IQCE: variants seen among roughly 807,000 people sequenced by gnomAD.
IQCE encodes the protein IQ motif containing E, also known as IQ domain-containing protein E.
A neutral mutation model predicts 96.0 loss-of-function variants in IQCE; 115 were observed. The observed-to-expected ratio is 1.20, with a 90% CI of 1.03 to 1.40. IQCE has a LOEUF of 1.40. Among genes scored for constraint, IQCE ranks in the 40% most tolerant of loss-of-function variants. The pLI, the probability that IQCE is intolerant of heterozygous loss-of-function variation, is 0.00. For missense variants in IQCE, 1,041 were observed against 909.1 expected (o/e 1.15, Z -1.87); for synonymous variants, 412 against 371.2 (o/e 1.11, Z -1.26).
rs573958803 is a variant in IQCE, at chr7:2,578,494, A to G, written c.598A>G (p.Thr200Ala). 9 of 1,614,028 alleles carry G rather than the reference A, an allele frequency of 5.6e-6. No individual in the cohort carries two copies. The highest frequency in any genetic ancestry group is 7.6e-6 in the Non-Finnish European group (9 of 1,179,978). The change falls in exon 8 of 22, where the codon ACT (threonine) becomes GCT (alanine). Residue 200 changes from threonine to alanine, a missense_variant. Transcript: ENST00000402050. The stretch of plus-strand genomic sequence containing the variant: ...ACCACAGGGCACGGATTTTGTTCGG[A>G]CTCTGGCAGAGAAAAGGCCCGATGC... ...DPSRGTDFVR[T>A]LAEKRPDASW...
At chr7:2,573,962 G>A (rs1045865989) in intron 6 of IQCE, among the ~76,000 whole-genome samples, 3 of 152,010 alleles carry the variant, frequency 2.0e-5, no homozygotes, top group South Asian at 2.1e-4. Flanking sequence ...GAGACTCAGC[G>A]ACGTTAGTGG....
chr7:2,592,396 C>T (rs906232787), intron 14 of IQCE, among the ~76,000 whole-genome samples: 1 of 130,466 alleles, frequency 7.7e-6, no homozygotes. Flanking sequence ...TGTCAAGTGG[C>T]GTGACAAGAG....
intron 1 of IQCE, among the ~76,000 whole-genome samples, chr7:2,564,547 G>A (rs1226707759): frequency 2.0e-5 from 3 of 151,540 alleles, no homozygotes; most frequent in South Asian, 2.1e-4. Context: ...GCAGTGAGCC[G>A]AGATTGTGTC....
At position 2,605,859 on chromosome 7, in the gene IQCE, C is replaced by A; in HGVS notation, c.1744-17C>A. On this transcript the variant is annotated splice_polypyrimidine_tract_variant and intron_variant, in intron 19 of 21. Coordinates refer to ENST00000402050, the MANE Select transcript of IQCE (RefSeq NM_152558.5). ...GGCTGCCAAACAGTCGTCTTCCCTG[C>A]TGTCCTTGCACCCCAGAGCTCTCCT... is the stretch of plus-strand genomic sequence containing the variant. The A allele has an allele frequency of 6.4e-7, 1 of 1,565,072 alleles. No individual in the cohort carries two copies.
intron 2 of IQCE, 90 bp from the exon 3 acceptor site, chr7:2,568,864 G>A (rs1016140073): frequency 9.8e-6 from 12 of 1,220,020 alleles, no homozygotes; most frequent in Non-Finnish European, 1.4e-5. Flanking sequence ...GCTCTTACAC[G>A]ACCCCTGACC....
At chr7:2,593,193 C>A (rs1783748851) in intron 15 of IQCE, 67 bp downstream of exon 15, 2 of 1,522,210 alleles carry the variant, frequency 1.3e-6, no homozygotes, top group East Asian at 4.6e-5. Flanking sequence ...CACTGCGGCC[C>A]CCCGTGGCGT....
At chr7:2,609,912 C>A in intron 21 of IQCE, 132 bp from the exon 22 acceptor site, 3 of 639,578 alleles carry the variant, frequency 4.7e-6, no homozygotes, top group East Asian at 5.3e-5. Context: ...CCTGTGTGCC[C>A]CATGGCTTAC....
At chr7:2,560,247 T>C (rs1418852313) in intron 1 of IQCE, among the ~76,000 whole-genome samples, 1 of 151,932 alleles carries the variant, frequency 6.6e-6, no homozygotes, top group Non-Finnish European at 1.5e-5. Context: ...AGGCCCTGTC[T>C]CAAAAAAAAA....
intron 6 of IQCE, among the ~76,000 whole-genome samples, chr7:2,577,272 GGT>G (rs1562635097): frequency 6.6e-6 from 1 of 152,080 alleles, no homozygotes. Context: ...ACGTGTGTGC[GGT>G]GTGTGCGCAG....
At chr7:2,567,307 G>T in intron 2 of IQCE, 144 bp downstream of exon 2, 1 of 701,996 alleles carries the variant, frequency 1.4e-6, no homozygotes, top group South Asian at 1.6e-5. Context: ...CTTGGTGTTT[G>T]AAAAGTTTCC....
rs1781753444 is a variant in IQCE at position 2,571,526 on chromosome 7, A to G, written c.131A>G (p.Lys44Arg). The G allele has an allele frequency of 4.4e-6, 7 of 1,606,300 alleles. No individual in the cohort carries two copies. Among genetic ancestry groups the G allele is most frequent in the Non-Finnish European group, 5.9e-6 (7 of 1,179,954 alleles). ...TGAATCCACGTGTTGGCTTTTCCAG[A>G]GTCACCTTATCTCTCTAAGCCGAGA... The part of the protein sequence containing the change: ...AFHKPPPTSP[K>R]SPYLSKPRKV... Residue 44 changes from lysine to arginine, a missense_variant and splice_region_variant, in exon 4 of 22, where the codon AAG (lysine) becomes AGG (arginine). Transcript: ENST00000402050.
Position 2,605,899 on chromosome 7 carries a change from G to A in IQCE, c.1767G>A (p.Pro589=), listed in dbSNP as rs61736306. 1.1e-5 allele frequency: 18 copies of A among 1,606,302 alleles called. No homozygotes were observed. Among genetic ancestry groups the A allele is most frequent in the Admixed American group, 6.8e-5 (4 of 58,886 alleles). The part of the protein sequence containing the change: ...PDQSSPVPRV[P]SPIAQATGSP... ...AGAGCTCTCCTGTGCCCCGCGTTCC[G>A]AGCCCCATCGCCCAGGCCACGGGCA... The change falls in exon 20 of 22, where the codon CCG becomes CCA. Residue 589 remains proline (P), a synonymous_variant. Coordinates refer to ENST00000402050, the MANE Select transcript of IQCE (RefSeq NM_152558.5).
intron 1 of IQCE, among the ~76,000 whole-genome samples, chr7:2,566,039 G>A (rs1015441679): frequency 6.6e-6 from 1 of 152,114 alleles, no homozygotes; most frequent in Non-Finnish European, 1.5e-5. Context: ...TTTTCAGAAC[G>A]CAGTAGCATC....
In IQCE at chr7:2,578,638, G is replaced by A; in HGVS notation, c.630+112G>A. ...CCACGCGTGAAGAGCAGCAGGCAGG[G>A]GGGAGGCTGCGGACCCCCAAACCCT... On this transcript the variant is annotated intron_variant, in intron 8 of 21. Transcript: ENST00000402050. The A allele has an allele frequency of 2.5e-6, 3 of 1,224,236 alleles. No homozygotes were observed. In the Admixed American group the frequency reaches 5.3e-5, roughly 22 times the overall value. The allele number at this position is 1,224,236 out of a possible 1,614,324, so 75.8% of individuals were successfully genotyped here.
At chr7:2,573,837 G>C (rs1377279222) in intron 6 of IQCE, among the ~76,000 whole-genome samples, 1 of 152,198 alleles carries the variant, frequency 6.6e-6, no homozygotes, top group Admixed American at 6.5e-5. Context: ...AACCTTCCAT[G>C]CATGCCACGC....
intron 8 of IQCE, 94 bp from the exon 9 acceptor site, chr7:2,582,486 A>G (rs1782752310): frequency 4.1e-6 from 4 of 978,748 alleles, no homozygotes; most frequent in South Asian, 1.4e-5. Context: ...GAGGAAGGAC[A>G]GTGAGGTGTG....
At chr7:2,568,209 C>T (rs1401817160) in intron 2 of IQCE, among the ~76,000 whole-genome samples, 1 of 152,204 alleles carries the variant, frequency 6.6e-6, no homozygotes, top group Non-Finnish European at 1.5e-5. Flanking sequence ...AAGTACTTCA[C>T]ACAAGCTTTG....
intron 12 of IQCE, 122 bp downstream of exon 12, chr7:2,586,493 A>G (rs375694087): frequency 1.8e-6 from 2 of 1,090,230 alleles, no homozygotes; most frequent in Non-Finnish European, 2.6e-6. Flanking sequence ...ACCCTTGGGC[A>G]ACGCCAGTTC....
chr7:2,606,607 G>T (rs888925175), intron 20 of IQCE, among the ~76,000 whole-genome samples: 1 of 152,168 alleles, frequency 6.6e-6, no homozygotes, highest in African/African-American at 2.4e-5. Context: ...CTGGTTCTCA[G>T]CCTCTGTGGT....
Sources: gnomAD v4.1 joint callset for allele counts (sites outside exome capture counted in the v4.1 genomes callset) on GRCh38, gnomAD v4.1.1 for gene constraint, MANE v1.5 for transcripts, NCBI Gene and HGNC (gene_info 2026-07-23, HGNC 2026-07-21) for gene names.